Variants in SPATA13 observed in about 807,000 individuals in gnomAD.
SPATA13 encodes spermatogenesis-associated protein 13.
Under a neutral mutation model 104.0 loss-of-function variants are expected in SPATA13, and 50 were observed. The ratio of observed to expected loss-of-function variants is 0.48; its 90% CI spans 0.38 to 0.61. The LOEUF (loss-of-function observed/expected upper bound fraction) is 0.61, where lower values mean the gene tolerates loss of function less well. Ranked by LOEUF, SPATA13 falls within the 20% of genes least tolerant of loss-of-function variation. SPATA13 has a pLI of 0.00. For missense variants in SPATA13, 1,524 were observed against 1,690.6 expected (o/e 0.90, Z 1.73); for synonymous variants, 606 against 667.5 (o/e 0.91, Z 1.42).
chr13:24,200,772 C>G (rs756609423), intron 1 of SPATA13, among the ~76,000 whole-genome samples: 3 of 151,284 alleles, frequency 2.0e-5, no homozygotes, highest in Non-Finnish European at 4.4e-5. Context: ...GACTGTTGGT[C>G]ACCTCCGGGT....
chr13:24,016,811 G>C (rs1876733902), intron 2 of SPATA13, among the ~76,000 whole-genome samples: 1 of 152,248 alleles, frequency 6.6e-6, no homozygotes, highest in African/African-American at 2.4e-5. Flanking sequence ...CCAAGGCCTG[G>C]CTGCTGCACG....
chr13:24,199,221 C>T (rs1242016419), intron 1 of SPATA13, among the ~76,000 whole-genome samples: 2 of 152,132 alleles, frequency 1.3e-5, no homozygotes, highest in East Asian at 3.9e-4. Flanking sequence ...AAGGAAATCT[C>T]AGAGGTTTGG....
rs914515343 is a variant in SPATA13, at chr13:24,185,255, CAT to C, written c.-112+24324_-112+24325del. Among the ~76,000 whole-genome samples the C allele has an allele frequency of 1.0e-3, 154 of 152,280 alleles. 2 individuals are homozygous for C. The highest frequency in any genetic ancestry group is 8.8e-5 in the Non-Finnish European group (6 of 68,018). The stretch of plus-strand genomic sequence containing the variant: ...TTTGTGTGTAATAGTGCCCATCACA[CAT>C]GATAGGCACTCAGTGAAGTTTTACT... On this transcript the variant is annotated intron_variant, in intron 1 of 12. Transcript: ENST00000382108.
At position 24,286,400 on chromosome 13, in the gene SPATA13, G is replaced by A; in HGVS notation, c.2481+7G>A. 3 of 1,609,286 alleles carry A rather than the reference G, an allele frequency of 1.9e-6. No individual in the cohort carries two copies. Among genetic ancestry groups the A allele is most frequent in the Non-Finnish European group, 8.5e-7 (1 of 1,178,172 alleles). The stretch of plus-strand genomic sequence containing the variant: ...CCCCGCGAGCTTCGTCAGAGTAAGT[G>A]TGGGGTGCTTGCAGCTTTTCCAAAG... On this transcript the variant is annotated splice_region_variant and intron_variant, in intron 6 of 12. Transcript: ENST00000382108. The surrounding 1 kb of genome is among the most constrained non-coding windows in gnomAD (Gnocchi z 4.9).
intron 2 of SPATA13, among the ~76,000 whole-genome samples, chr13:24,233,034 T>G (rs746358992): frequency 1.3e-5 from 2 of 152,222 alleles, no homozygotes; most frequent in African/African-American, 2.4e-5. Context: ...TTTAGTTGTT[T>G]TTGTGTGTAA....
intron 3 of SPATA13, among the ~76,000 whole-genome samples, chr13:24,058,216 G>A (rs947948682): frequency 8.6e-5 from 13 of 151,812 alleles, no homozygotes; most frequent in Non-Finnish European, 1.8e-4. Flanking sequence ...TCTTTTGATC[G>A]TAAGTGGAAG....
At chr13:24,258,271 C>T (rs1006511318) in intron 4 of SPATA13, among the ~76,000 whole-genome samples, 1 of 147,994 alleles carries the variant, frequency 6.8e-6, no homozygotes, top group Non-Finnish European at 1.5e-5. Context: ...TGGATTCTGC[C>T]TGTCAATAAG....
At chr13:24,277,759 CGTCTGTCCTTTCCTTTAA>C (rs1875123044) in intron 4 of SPATA13, among the ~76,000 whole-genome samples, 1 of 152,180 alleles carries the variant, frequency 6.6e-6, no homozygotes, top group Admixed American at 6.5e-5. Flanking sequence ...AAAAATCAAA[CGTCTGTCCTTTCCTTTAA>C]GTCTGTCCTG....
chr13:24,277,855 G>A (rs890892290), intron 4 of SPATA13, among the ~76,000 whole-genome samples: 1 of 152,182 alleles, frequency 6.6e-6, no homozygotes, highest in Non-Finnish European at 1.5e-5. Flanking sequence ...AGGCCTGGAC[G>A]AAGCATCAAA....
intron 1 of SPATA13, among the ~76,000 whole-genome samples, chr13:24,201,004 A>C (rs191874616): frequency 6.9e-6 from 1 of 145,924 alleles, no homozygotes; most frequent in East Asian, 2.1e-4. Context: ...TTGCACGCTC[A>C]TGTGAATTTT....
At chr13:24,021,960 C>T (rs1303548256) in intron 3 of SPATA13, among the ~76,000 whole-genome samples, 3 of 151,982 alleles carry the variant, frequency 2.0e-5, no homozygotes, top group Admixed American at 1.3e-4. Context: ...ATCTGCCTGC[C>T]TCGGCCTCCC....
intron 9 of SPATA13, among the ~76,000 whole-genome samples, chr13:24,292,963 TC>T (rs372577070): frequency 9.0e-4 from 101 of 111,918 alleles, no homozygotes; most frequent in African/African-American, 3.4e-3. Flanking sequence ...ACCATTGCAC[TC>T]CAGCCTGGGT....
intron 11 of SPATA13, among the ~76,000 whole-genome samples, chr13:24,297,988 G>A (rs1472523418): frequency 6.6e-6 from 1 of 152,224 alleles, no homozygotes; most frequent in Admixed American, 6.5e-5. Flanking sequence ...CCCATTTATA[G>A]AGATTGTCTC....
intron 3 of SPATA13, among the ~76,000 whole-genome samples, chr13:24,049,210 C>T (rs150187563): frequency 2.3e-3 from 353 of 152,322 alleles, no homozygotes; most frequent in Admixed American, 4.3e-3. Context: ...CCGTTGTGCC[C>T]AGCATGACAA....
chr13:24,236,064 G>T (rs760588155), intron 2 of SPATA13, among the ~76,000 whole-genome samples: 3 of 152,132 alleles, frequency 2.0e-5, no homozygotes, highest in Non-Finnish European at 2.9e-5. Flanking sequence ...CACATAAGTA[G>T]TGAGGGGTGG....
intron 1 of SPATA13, among the ~76,000 whole-genome samples, chr13:24,185,995 A>G (rs918393456): frequency 6.6e-6 from 1 of 152,196 alleles, no homozygotes; most frequent in African/African-American, 2.4e-5. Context: ...TCAGTCTTTT[A>G]AGGCCTTCAA....
intron 4 of SPATA13, among the ~76,000 whole-genome samples, chr13:24,259,453 C>CCAGTGAGTTTAAGGCT (rs1253740236): frequency 6.6e-6 from 1 of 152,200 alleles, no homozygotes; most frequent in African/African-American, 2.4e-5. Flanking sequence ...AAGACATTTT[C>CCAGTGAGTTTAAGGCT]CAGTGAGTTT....
Position 24,303,224 on chromosome 13 carries a change from A to C in SPATA13, c.*451A>C. The C allele has an allele frequency of 2.3e-6, 1 of 430,888 alleles. No individual in the cohort carries two copies. The highest frequency in any genetic ancestry group is 4.6e-6 in the Non-Finnish European group (1 of 215,354). The allele number at this position is 430,888 out of a possible 1,614,324, so 26.7% of individuals were successfully genotyped here. On this transcript the variant is annotated 3_prime_UTR_variant, in exon 13 of 13. Coordinates refer to ENST00000382108, the MANE Select transcript of SPATA13 (RefSeq NM_001166271.3). ...ATGCCGTCAAGACGGGGTTGACACA[A>C]TGCTGCACGTGTCTGGTCACACTTA...
intron 1 of SPATA13, among the ~76,000 whole-genome samples, chr13:24,209,471 G>C (rs1056388586): frequency 2.0e-5 from 3 of 152,190 alleles, no homozygotes; most frequent in Non-Finnish European, 4.4e-5. Flanking sequence ...GGACAGCACT[G>C]TTCTGGTCTC....
Sources: gnomAD v4.1 joint callset for allele counts (sites outside exome capture counted in the v4.1 genomes callset) on GRCh38, gnomAD v4.1.1 for gene constraint, Gnocchi (gnomAD v3.1) non-coding constraint, MANE v1.5 for transcripts, NCBI Gene and HGNC (gene_info 2026-07-23, HGNC 2026-07-21) for gene names.